Variants in MLLT3 observed in about 807,000 individuals in gnomAD.
The protein encoded by MLLT3 is MLLT3 super elongation complex subunit.
A neutral mutation model predicts 53.2 loss-of-function variants in MLLT3; 4 were observed. The ratio of observed to expected loss-of-function variants is 0.08; its 90% CI spans 0.04 to 0.17. The LOEUF (loss-of-function observed/expected upper bound fraction) is 0.17, where lower values mean the gene tolerates loss of function less well. Ranked by LOEUF, MLLT3 falls within the 10% of genes least tolerant of loss-of-function variation. The pLI, the probability that MLLT3 is intolerant of heterozygous loss-of-function variation, is 1.00. For synonymous variants in MLLT3, 283 were observed against 230.6 expected, an observed-to-expected ratio of 1.23 and a Z score of -2.06; for missense variants, 569 against 684.0, an observed-to-expected ratio of 0.83 and a Z score of 1.87.
chr9:20,535,216 CAT>C (rs1260318082), intron 2 of MLLT3, among the ~76,000 whole-genome samples: 3 of 152,178 alleles, frequency 2.0e-5, no homozygotes, highest in Admixed American at 2.0e-4. Context: ...GTGAACTGCA[CAT>C]GTGAGGGATC....
intron 2 of MLLT3, among the ~76,000 whole-genome samples, chr9:20,530,250 G>C (rs542069341): frequency 6.6e-6 from 1 of 152,102 alleles, no homozygotes; most frequent in South Asian, 2.1e-4. Flanking sequence ...GTCATACAAC[G>C]GTTGGATTTT....
At chr9:20,457,519 G>A (rs567994653) in intron 2 of MLLT3, among the ~76,000 whole-genome samples, 5 of 152,094 alleles carry the variant, frequency 3.3e-5, no homozygotes, top group African/African-American at 1.2e-4. Context: ...AAAGTGTAGG[G>A]ATTACAGGCA....
chr9:20,514,900 A>G (rs1817866270), intron 2 of MLLT3, among the ~76,000 whole-genome samples: 1 of 151,906 alleles, frequency 6.6e-6, no homozygotes, highest in Non-Finnish European at 1.5e-5. Context: ...AATATCTTCA[A>G]GGCAGGAGAT....
At position 20,448,048 on chromosome 9, in the gene MLLT3, A is replaced by C; in HGVS notation, c.420+75T>G. 2.0e-6 allele frequency: 3 copies of C among 1,468,044 alleles called. No homozygotes were observed. The highest frequency in any genetic ancestry group is 2.8e-6 in the Non-Finnish European group (3 of 1,080,280). The allele number at this position is 1,468,044 out of a possible 1,614,324, so 90.9% of individuals were successfully genotyped here. A position where few individuals can be genotyped will look rare whatever the true frequency, so the allele number is the denominator to read the frequency against. On this transcript the variant is annotated intron_variant, in intron 4 of 10. Coordinates refer to ENST00000380338, the MANE Select transcript of MLLT3 (RefSeq NM_004529.4). The surrounding 1 kb of genome is among the most constrained non-coding windows in gnomAD (Gnocchi z 4.0). ...CCTTATACTTTTTAACACATGAGGA[A>C]CTAGTTTGTTTGTTTTTTTTTTTGT...
intron 2 of MLLT3, among the ~76,000 whole-genome samples, chr9:20,511,704 G>C (rs1351467344): frequency 6.6e-6 from 1 of 151,774 alleles, no homozygotes; most frequent in Non-Finnish European, 1.5e-5. Context: ...TTTTTTAAAT[G>C]CATCACATAC....
At chr9:20,472,732 C>G (rs1348565965) in intron 2 of MLLT3, among the ~76,000 whole-genome samples, 4 of 151,974 alleles carry the variant, frequency 2.6e-5, no homozygotes. Context: ...AAATACCAAG[C>G]AAACCAAATT....
At chr9:20,421,642 T>C (rs1371992510) in intron 4 of MLLT3, among the ~76,000 whole-genome samples, 5 of 152,352 alleles carry the variant, frequency 3.3e-5, no homozygotes, top group East Asian at 1.9e-4. Context: ...TTTGCCAAGT[T>C]AATTCTGACT....
intron 2 of MLLT3, among the ~76,000 whole-genome samples, chr9:20,605,340 G>A (rs1820535258): frequency 6.6e-6 from 1 of 151,900 alleles, no homozygotes; most frequent in African/African-American, 2.4e-5. Context: ...TTACCCTGTG[G>A]AAAACAGGTA....
chr9:20,396,826 G>A (rs1276523964), intron 5 of MLLT3, among the ~76,000 whole-genome samples: 1 of 152,054 alleles, frequency 6.6e-6, no homozygotes, highest in Non-Finnish European at 1.5e-5. Context: ...TGTTGTTGCT[G>A]GAGTAAGGCT....
At chr9:20,347,037 T>C (rs1344601015) in intron 10 of MLLT3, among the ~76,000 whole-genome samples, 1 of 148,342 alleles carries the variant, frequency 6.7e-6, no homozygotes, top group Non-Finnish European at 1.5e-5. Context: ...CCTTTATCAT[T>C]ATATAATTGT....
intron 4 of MLLT3, among the ~76,000 whole-genome samples, chr9:20,421,405 T>G (rs1823005451): frequency 6.6e-6 from 1 of 151,970 alleles, no homozygotes; most frequent in South Asian, 2.1e-4. Context: ...CGTTTGTTTT[T>G]TAAACAAAAA....
chr9:20,360,544 C>T (rs1418570311), intron 8 of MLLT3, among the ~76,000 whole-genome samples, 198 bp downstream of exon 8: 1 of 152,234 alleles, frequency 6.6e-6, no homozygotes, highest in East Asian at 1.9e-4. Context: ...TCTGGTGGAA[C>T]ATATTCATCT....
intron 2 of MLLT3, among the ~76,000 whole-genome samples, chr9:20,541,642 G>A (rs1391840130): frequency 1.3e-5 from 2 of 152,114 alleles, no homozygotes; most frequent in Non-Finnish European, 2.9e-5. Context: ...CACCCACCAG[G>A]TCCCTCCCCT....
At chr9:20,459,448 T>A (rs1490210343) in intron 2 of MLLT3, among the ~76,000 whole-genome samples, 1 of 152,166 alleles carries the variant, frequency 6.6e-6, no homozygotes, top group East Asian at 1.9e-4. Context: ...CACCCCACCT[T>A]AGCAAGAAGG....
chr9:20,487,602 A>T (rs1824846924), intron 2 of MLLT3, among the ~76,000 whole-genome samples: 1 of 152,134 alleles, frequency 6.6e-6, no homozygotes, highest in Non-Finnish European at 1.5e-5. Context: ...TCTATTTTAG[A>T]AGGGTCCATC....
chr9:20,617,087 T>A (rs1422296579), intron 2 of MLLT3, among the ~76,000 whole-genome samples: 1 of 152,166 alleles, frequency 6.6e-6, no homozygotes, highest in East Asian at 1.9e-4. Flanking sequence ...TCACTGGTCA[T>A]CTAAATTTCA....
intron 4 of MLLT3, among the ~76,000 whole-genome samples, chr9:20,424,575 G>A (rs1823096294): frequency 6.6e-6 from 1 of 152,152 alleles, no homozygotes; most frequent in Non-Finnish European, 1.5e-5. Flanking sequence ...GCTGTCATTA[G>A]GAAGAGAGAG....
intron 10 of MLLT3, among the ~76,000 whole-genome samples, chr9:20,350,570 G>A (rs966262182): frequency 7.4e-6 from 1 of 135,916 alleles, no homozygotes; most frequent in East Asian, 2.2e-4. Flanking sequence ...ACTCCAGCCT[G>A]GGCGACAGAG....
At chr9:20,421,207 T>C (rs557116301) in intron 4 of MLLT3, among the ~76,000 whole-genome samples, 95 of 152,248 alleles carry the variant, frequency 6.2e-4, no homozygotes, top group South Asian at 1.2e-3. Context: ...GAGGTTTCAG[T>C]GAGCCAAGAT....
Sources: allele counts gnomAD v4.1 joint callset (sites outside exome capture counted in the v4.1 genomes callset), GRCh38; gene constraint gnomAD v4.1.1; non-coding constraint Gnocchi (gnomAD v3.1); transcripts MANE v1.5; gene names NCBI Gene and HGNC (gene_info 2026-07-23, HGNC 2026-07-21).